The following INO80C variants were observed in gnomAD, a reference collection of about 807,000 sequenced individuals.
INO80C encodes the protein IES6 homolog.
A neutral mutation model predicts 17.7 loss-of-function variants in INO80C; 17 were observed. The ratio of observed to expected loss-of-function variants is 0.96; its 90% CI spans 0.66 to 1.44. INO80C has a LOEUF of 1.44. Ranked by LOEUF, INO80C falls within the 40% of genes most tolerant of loss-of-function variation. The pLI is 0.00. For synonymous variants in INO80C, 96 were observed against 95.8 expected (o/e 1.00, Z -0.01); for missense variants, 244 against 245.0 (o/e 1.00, Z 0.03).
At chr18:35,492,183 A>G (rs1235703372) in intron 1 of INO80C, among the ~76,000 whole-genome samples, 1 of 152,242 alleles carries the variant, frequency 6.6e-6, no homozygotes, top group Non-Finnish European at 1.5e-5. Flanking sequence ...TCATAGAATT[A>G]TAGATGCAAA....
chr18:35,468,957 G>C (rs1448750135), intron 4 of INO80C, among the ~76,000 whole-genome samples: 1 of 152,004 alleles, frequency 6.6e-6, no homozygotes, highest in Non-Finnish European at 1.5e-5. Flanking sequence ...GAGAGGAAGG[G>C]GAATGACCAC....
At chr18:35,483,612 A>T (rs1172459338) in intron 1 of INO80C, 1 of 152,228 alleles carries the variant, frequency 6.6e-6, no homozygotes, top group African/African-American at 2.4e-5. Context: ...ATAATGAGTG[A>T]TTCATTGATT....
chr18:35,479,638 T>C (rs2084719156), intron 2 of INO80C, among the ~76,000 whole-genome samples: 1 of 152,102 alleles, frequency 6.6e-6, no homozygotes. Flanking sequence ...TAGTTTGTGC[T>C]GGAGTAGAAA....
rs1413981297 is a variant in INO80C at position 35,470,510 on chromosome 18, A to C, written c.448-1768T>G. ...GGGAAGTTAGGTTAACTAGCAGGAG[A>C]GGCTGCCCTGCAGTTCCGAGCAGAG... On this transcript the variant is annotated intron_variant, in intron 4 of 4. Coordinates refer to ENST00000334598, the MANE Select transcript of INO80C (RefSeq NM_194281.4). Among the ~76,000 whole-genome samples, 4 of 152,182 alleles carry C rather than the reference A, an allele frequency of 2.6e-5. No individual in the cohort carries two copies. The East Asian group carries it at 7.7e-4, about 29-fold the overall frequency.
At chr18:35,492,623 T>C (rs1371152730) in intron 1 of INO80C, among the ~76,000 whole-genome samples, 2 of 152,238 alleles carry the variant, frequency 1.3e-5, no homozygotes, top group African/African-American at 4.8e-5. Flanking sequence ...ATTTTTACTT[T>C]TGTGTTTTAC....
chr18:35,495,339 A>G (rs1490655145), intron 1 of INO80C, among the ~76,000 whole-genome samples: 1 of 152,188 alleles, frequency 6.6e-6, no homozygotes, highest in African/African-American at 2.4e-5. Context: ...CCACTGAGCC[A>G]GGAGGTCGAG....
intron 1 of INO80C, among the ~76,000 whole-genome samples, chr18:35,482,373 G>A (rs987984878): frequency 6.6e-6 from 1 of 152,170 alleles, no homozygotes; most frequent in Non-Finnish European, 1.5e-5. Context: ...ACTTATCTTA[G>A]TAAGAGAGTA....
intron 4 of INO80C, among the ~76,000 whole-genome samples, chr18:35,471,708 C>T (rs1768389092): frequency 6.6e-6 from 1 of 151,814 alleles, no homozygotes; most frequent in African/African-American, 2.4e-5. Flanking sequence ...CACCCATTAA[C>T]TCGTCATTTA....
At chr18:35,497,374 G>A (rs534915773) in intron 1 of INO80C, 17 of 1,072,236 alleles carry the variant, frequency 1.6e-5, no homozygotes, top group South Asian at 3.0e-5. Context: ...GATGTCTGCA[G>A]AATGGACGAG....
intron 4 of INO80C, among the ~76,000 whole-genome samples, chr18:35,475,198 A>G (rs2045720854): frequency 2.0e-5 from 3 of 152,248 alleles, no homozygotes; most frequent in Admixed American, 6.5e-5. Flanking sequence ...CAGTCAAACA[A>G]GAAACATTAC....
chr18:35,479,467 G>A (rs1396494786), intron 2 of INO80C, 56 bp from the exon 3 acceptor site: 13 of 1,034,600 alleles, frequency 1.3e-5, no homozygotes, highest in East Asian at 9.7e-5. Context: ...CTACCATTTC[G>A]ACATCTGACA....
rs544154120 is a variant in INO80C, at chr18:35,497,908, T to G, written c.-34A>C. ...GAGTCTTCCCCTGGTCCCCCCACCTTTTTCCCAGCGCGGGCCTTGGAACTT... is the reference window on the plus strand; with the variant it reads ...GAGTCTTCCCCTGGTCCCCCCACCTGTTTCCCAGCGCGGGCCTTGGAACTT... On this transcript the variant is annotated 5_prime_UTR_variant, in exon 1 of 5. Coordinates refer to ENST00000334598, the MANE Select transcript of INO80C (RefSeq NM_194281.4). 5 of 1,497,970 alleles carry G rather than the reference T, an allele frequency of 3.3e-6. No homozygotes were observed. Among genetic ancestry groups the G allele is most frequent in the Non-Finnish European group, 2.7e-6 (3 of 1,122,834 alleles). The allele number at this position is 1,497,970 out of a possible 1,614,324, so 92.8% of individuals were successfully genotyped here. A position where few individuals can be genotyped will look rare whatever the true frequency, so the allele number is the denominator to read the frequency against.
chr18:35,471,444 T>A (rs1167498070), intron 4 of INO80C, among the ~76,000 whole-genome samples: 1 of 152,190 alleles, frequency 6.6e-6, no homozygotes, highest in African/African-American at 2.4e-5. Flanking sequence ...TCAATCAACA[T>A]TACATCCTGG....
At chr18:35,479,489 T>TTAGG in intron 2 of INO80C, 78 bp from the exon 3 acceptor site, 2 of 845,834 alleles carry the variant, frequency 2.4e-6, no homozygotes, top group Non-Finnish European at 4.0e-6. Context: ...TTATGCCTAA[T>TTAGG]CATAACTGTA....
In INO80C at chr18:35,497,894, TGGTCCCCC is replaced by T; in HGVS notation, c.-28_-21del. 6.5e-7 allele frequency: 1 copy of T among 1,527,092 alleles called. No individual in the cohort carries two copies. The highest frequency in any genetic ancestry group is 8.8e-7 in the Non-Finnish European group (1 of 1,135,452). The allele number at this position is 1,527,092 out of a possible 1,614,324, so 94.6% of individuals were successfully genotyped here. ...CGCCATCGCACTCCGAGTCTTCCCC[TGGTCCCCC>T]CACCTTTTTCCCAGCGCGGGCCTTG... On this transcript the variant is annotated 5_prime_UTR_variant, in exon 1 of 5. Coordinates refer to ENST00000334598, the MANE Select transcript of INO80C (RefSeq NM_194281.4).
chr18:35,497,621 C>A (rs1598755581), intron 1 of INO80C, 98 bp downstream of exon 1: 3 of 1,476,198 alleles, frequency 2.0e-6, no homozygotes, highest in Non-Finnish European at 2.7e-6. Flanking sequence ...AGACCGCACG[C>A]GCAGCGCCCC....
At chr18:35,474,107 C>T (rs1041883886) in intron 4 of INO80C, among the ~76,000 whole-genome samples, 2 of 149,306 alleles carry the variant, frequency 1.3e-5, no homozygotes, top group Non-Finnish European at 3.0e-5. Flanking sequence ...ATGTTGGACA[C>T]AGCAGATAAA....
intron 4 of INO80C, among the ~76,000 whole-genome samples, chr18:35,471,856 G>A (rs1456232145): frequency 6.9e-6 from 1 of 144,660 alleles, no homozygotes; most frequent in Non-Finnish European, 1.5e-5. Context: ...TGCGGTGTTT[G>A]GTTTTTTGTC....
chr18:35,469,441 C>T (rs1227528960), intron 4 of INO80C, among the ~76,000 whole-genome samples: 1 of 152,162 alleles, frequency 6.6e-6, no homozygotes, highest in East Asian at 1.9e-4. Context: ...CCACATGTCC[C>T]CACTCTCTGA....
Sources: allele counts gnomAD v4.1 joint callset (sites outside exome capture counted in the v4.1 genomes callset), GRCh38; gene constraint gnomAD v4.1.1; transcripts MANE v1.5; gene names NCBI Gene and HGNC (gene_info 2026-07-23, HGNC 2026-07-21).